The following IZUMO3 variants were observed in gnomAD, a reference collection of about 807,000 sequenced individuals.
The protein encoded by IZUMO3 is izumo sperm-egg fusion protein 3.
A neutral mutation model predicts 28.4 loss-of-function variants in IZUMO3; 36 were observed. The ratio of observed to expected loss-of-function variants is 1.27; its 90% CI spans 0.97 to 1.67. IZUMO3 has a LOEUF of 1.67. Among genes scored for constraint, IZUMO3 ranks in the 40% most tolerant of loss-of-function variants. The pLI, the probability that IZUMO3 is intolerant of heterozygous loss-of-function variation, is 0.00. For missense variants in IZUMO3, 387 were observed against 278.5 expected, an observed-to-expected ratio of 1.39 and a Z score of -2.77; for synonymous variants, 126 against 99.2, an observed-to-expected ratio of 1.27 and a Z score of -1.61.
Position 24,545,845 on chromosome 9 carries a change from T to G in IZUMO3, c.-196A>C, listed in dbSNP as rs764352494. 6.5e-7 allele frequency: 1 copy of G among 1,535,202 alleles called. No homozygotes were observed. The highest frequency in any genetic ancestry group is 2.0e-5 in the Admixed American group (1 of 50,458). On this transcript the variant is annotated 5_prime_UTR_variant, in exon 1 of 7. Coordinates refer to ENST00000543880, the MANE Select transcript of IZUMO3 (RefSeq NM_001365008.2). The stretch of plus-strand genomic sequence containing the variant: ...ATCTTTAGTTGTTTACTGACTATTA[T>G]CCTTCATTCTAGGAGAGGGAACTGC...
chr9:24,545,434 A>G lies in IZUMO3; in HGVS notation c.216T>C (p.Leu72=), dbSNP rs921229970. The part of the protein sequence containing the change: ...SFKVSHSDKR[L]RVLAVQQVVK... ...TCAAGCTTCCCTCACCCAACACCCG[A>G]AGCCTCTTGTCACTGTGGGAGACCT... is the stretch of plus-strand genomic sequence containing the variant. Residue 72 remains leucine, a synonymous_variant, in exon 1 of 7, where the codon CTT becomes CTC. Transcript: ENST00000543880. 5 of 1,539,276 alleles carry G rather than the reference A, an allele frequency of 3.2e-6. No individual in the cohort carries two copies. In the African/African-American group the frequency reaches 6.9e-5, roughly 21 times the overall value.
At chr9:24,544,127 G>A (rs1347128787) in intron 5 of IZUMO3, 74 bp downstream of exon 5, 6 of 1,007,222 alleles carry the variant, frequency 6.0e-6, no homozygotes, top group Admixed American at 4.0e-5. Context: ...ACAAATACAT[G>A]TAGAATAAAT....
intron 5 of IZUMO3, 56 bp downstream of exon 5, chr9:24,544,145 C>T: frequency 8.4e-7 from 1 of 1,195,012 alleles, no homozygotes; most frequent in Admixed American, 2.0e-5. Context: ...AATCAGTGAG[C>T]AACCCTGCTC....
chr9:24,543,797 A>G, intron 5 of IZUMO3, 43 bp from the exon 6 acceptor site: 1 of 1,256,744 alleles, frequency 8.0e-7, no homozygotes, highest in Non-Finnish European at 1.1e-6. Context: ...GTTTTGGAGA[A>G]GAGAAATAGC....
Position 24,544,559 on chromosome 9 carries a change from G to A in IZUMO3, c.409+184C>T, listed in dbSNP as rs546213689. On this transcript the variant is annotated intron_variant, in intron 4 of 6. Transcript: ENST00000543880. ...AGGCCTCCTAGTACCTCAAAAATAT[G>A]TGGGGTGTCTGAGATTTCATGAGCT... 2.0e-5 allele frequency among the ~76,000 whole-genome samples: 3 copies of A among 152,226 alleles called. No individual in the cohort carries two copies. The South Asian group carries it at 6.2e-4, about 32-fold the overall frequency.
chr9:24,545,323 AT>A (rs1254425722), intron 1 of IZUMO3, 37 bp from the exon 2 acceptor site: 134 of 1,547,078 alleles, frequency 8.7e-5, no homozygotes, highest in Non-Finnish European at 1.1e-4. Context: ...TAGGGGAATA[AT>A]TACATCTATG....
At chr9:24,544,127 G>T in intron 5 of IZUMO3, 74 bp downstream of exon 5, 1 of 1,007,336 alleles carries the variant, frequency 9.9e-7, no homozygotes, top group Non-Finnish European at 1.5e-6. Flanking sequence ...ACAAATACAT[G>T]TAGAATAAAT....
rs1309903696 is a variant in IZUMO3 at position 24,545,239 on chromosome 9, A to C, written c.274T>G (p.Tyr92Asp). 1.3e-6 allele frequency: 2 copies of C among 1,550,270 alleles called. No individual in the cohort carries two copies. The highest frequency in any genetic ancestry group is 2.7e-5 in the African/African-American group (2 of 73,034). The change falls in exon 2 of 7, where the codon TAT (tyrosine) becomes GAT (aspartate). Residue 92 changes from tyrosine to aspartate, a missense_variant. Transcript: ENST00000543880. The stretch of plus-strand genomic sequence containing the variant: ...TTCCATGTTTCATTGCCCAGTTTAT[A>C]AAATTCATTCTTCAACCATGTTCTC... ...KLRTWLKNEF[Y>D]KLGNETWKGV...
At chr9:24,544,004 C>G (rs966759541) in intron 5 of IZUMO3, among the ~76,000 whole-genome samples, 197 bp downstream of exon 5, 3 of 152,062 alleles carry the variant, frequency 2.0e-5, no homozygotes, top group East Asian at 1.9e-4. Flanking sequence ...CATTTCTCAG[C>G]CTTTCAGTTG....
In IZUMO3 at chr9:24,545,802, T is replaced by C. The variant is rs751315264; in HGVS notation, c.-153A>G. 1 of 1,543,278 alleles carries C rather than the reference T, an allele frequency of 6.5e-7. No homozygotes were observed. Among genetic ancestry groups the C allele is most frequent in the South Asian group, 1.2e-5 (1 of 82,708 alleles). On this transcript the variant is annotated 5_prime_UTR_variant, in exon 1 of 7. Transcript: ENST00000543880. The stretch of plus-strand genomic sequence containing the variant: ...TTCCATCCCACTATCGGGCAATCTT[T>C]AGTTGTTTAGTTTAATGATCTTTAG...
At chr9:24,545,187 T>A (rs1424617851) in intron 2 of IZUMO3, 25 bp downstream of exon 2, 2 of 1,543,694 alleles carry the variant, frequency 1.3e-6, no homozygotes, top group Non-Finnish European at 1.8e-6. Flanking sequence ...CAATACAAAC[T>A]TTTAACATTG....
rs1819563312 is a variant in IZUMO3, at chr9:24,545,225, A to G, written c.288T>C (p.Asn96=). ...ACAGTACCTCACCTTTCCATGTTTC[A>G]TTGCCCAGTTTATAAAATTCATTCT... The part of the protein sequence containing the change: ...WLKNEFYKLG[N]ETWKGVFIYQ... Residue 96 remains asparagine (N), a synonymous_variant, in exon 2 of 7, where the codon AAT becomes AAC. Coordinates refer to ENST00000543880, the MANE Select transcript of IZUMO3 (RefSeq NM_001365008.2). The G allele has an allele frequency of 1.3e-6, 2 of 1,549,994 alleles. No homozygotes were observed. Among genetic ancestry groups the G allele is most frequent in the East Asian group, 2.4e-5 (1 of 40,920 alleles).
Position 24,543,542 on chromosome 9 carries a change from G to A in IZUMO3, c.581+122C>T, listed in dbSNP as rs1162557582. The A allele has an allele frequency of 9.6e-6, 7 of 730,026 alleles. No homozygotes were observed. In the African/African-American group the frequency reaches 1.5e-4, roughly 16 times the overall value. The allele number at this position is 730,026 out of a possible 1,614,324, so 45.2% of individuals were successfully genotyped here. ...CAAACTTTGCATTTTATTCCTTTCAGTATCCCAGAATTTAAAATGACTTCT... is the reference window on the plus strand; with the variant it reads ...CAAACTTTGCATTTTATTCCTTTCAATATCCCAGAATTTAAAATGACTTCT... On this transcript the variant is annotated intron_variant, in intron 6 of 6. Transcript: ENST00000543880.
At chr9:24,543,438 G>GTTT (rs33972842) in intron 6 of IZUMO3, 71 bp from the exon 7 acceptor site, 1,107 of 37,630 alleles carry the variant, frequency 0.029, 307 homozygotes, top group East Asian at 0.05. Context: ...GTTATACATT[G>GTTT]TTTTTTTTTT....
In IZUMO3 at chr9:24,545,294, G is replaced by T; in HGVS notation, c.227-8C>A. On this transcript the variant is annotated splice_region_variant and splice_polypyrimidine_tract_variant and intron_variant, in intron 1 of 6. Transcript: ENST00000543880. The stretch of plus-strand genomic sequence containing the variant: ...TAACAACCTGCTGAACAGCTAGAGA[G>T]GGAGAGTAAAGGTACATGTAGGGGA... 6.5e-7 allele frequency: 1 copy of T among 1,549,788 alleles called. No homozygotes were observed.
At chr9:24,543,777 A>T in intron 5 of IZUMO3, 23 bp from the exon 6 acceptor site, 1 of 1,455,490 alleles carries the variant, frequency 6.9e-7, no homozygotes, top group Non-Finnish European at 9.4e-7. Context: ...ACAGGAAAAT[A>T]TGAAAGTGAG....
At chr9:24,543,550 G>C in intron 6 of IZUMO3, 114 bp downstream of exon 6, 2 of 810,474 alleles carry the variant, frequency 2.5e-6, no homozygotes, top group Admixed American at 6.6e-5. Flanking sequence ...CAGTATCCCA[G>C]AATTTAAAAT....
chr9:24,545,120 A>T, intron 2 of IZUMO3, 59 bp from the exon 3 acceptor site: 1 of 1,477,770 alleles, frequency 6.8e-7, no homozygotes, highest in South Asian at 1.2e-5. Context: ...TCAGAAGTTA[A>T]TTATGTCTGT....
At position 24,545,702 on chromosome 9, in the gene IZUMO3, C is replaced by G; in HGVS notation, c.-53G>C. 1 of 1,534,316 alleles carries G rather than the reference C, an allele frequency of 6.5e-7. No homozygotes were observed. Among genetic ancestry groups the G allele is most frequent in the Non-Finnish European group, 8.7e-7 (1 of 1,145,142 alleles). Reference sequence around the variant, plus strand: ...GCAGGTTGTCCTGGCAACTAGTTCACTTAGTTCCTTTTCCTTCAAAAATCC... The same window carrying G: ...GCAGGTTGTCCTGGCAACTAGTTCAGTTAGTTCCTTTTCCTTCAAAAATCC... On this transcript the variant is annotated 5_prime_UTR_variant, in exon 1 of 7. Coordinates refer to ENST00000543880, the MANE Select transcript of IZUMO3 (RefSeq NM_001365008.2).
Sources: gnomAD v4.1 joint callset for allele counts (sites outside exome capture counted in the v4.1 genomes callset) on GRCh38, gnomAD v4.1.1 for gene constraint, MANE v1.5 for transcripts, NCBI Gene and HGNC (gene_info 2026-07-23, HGNC 2026-07-21) for gene names.